The following SEMA6D variants were observed in gnomAD, a reference collection of about 807,000 sequenced individuals.
The protein encoded by SEMA6D is semaphorin 6D.
A neutral mutation model predicts 106.6 loss-of-function variants in SEMA6D; 35 were observed. The observed-to-expected ratio is 0.33, with a 90% CI of 0.25 to 0.44. The LOEUF (loss-of-function observed/expected upper bound fraction) is 0.44, where lower values mean the gene tolerates loss of function less well. SEMA6D is among the 20% of genes least tolerant of loss of function. The pLI, the probability that SEMA6D is intolerant of heterozygous loss-of-function variation, is 1.00. For synonymous variants in SEMA6D, 499 were observed against 487.7 expected (o/e 1.02, Z -0.31); for missense variants, 1,185 against 1,345.9 (o/e 0.88, Z 1.87).
chr15:47,526,090 G>A (rs1286557577), intron 3 of SEMA6D, among the ~76,000 whole-genome samples: 6 of 152,134 alleles, frequency 3.9e-5, no homozygotes, highest in African/African-American at 1.4e-4. Context: ...CTTCACCAAG[G>A]TAAGCCTTTG....
At chr15:47,674,453 C>T (rs869731) in intron 4 of SEMA6D, among the ~76,000 whole-genome samples, 47,187 of 152,078 alleles carry the variant, frequency 0.31, 8,695 homozygotes, top group East Asian at 0.49. Context: ...TGATCCATGT[C>T]GAAAACATTG....
intron 3 of SEMA6D, among the ~76,000 whole-genome samples, chr15:47,508,331 G>T (rs940271869): frequency 4.6e-5 from 7 of 152,194 alleles, no homozygotes; most frequent in African/African-American, 1.7e-4. Context: ...CTTCCAGGGG[G>T]TTTTGGATCC....
At chr15:47,364,248 T>G (rs1462356384) in intron 1 of SEMA6D, among the ~76,000 whole-genome samples, 1 of 152,198 alleles carries the variant, frequency 6.6e-6, no homozygotes, top group Non-Finnish European at 1.5e-5. Flanking sequence ...GGTAGGAGGT[T>G]GTGGAACTAT....
chr15:47,289,359 A>T (rs901399776), intron 1 of SEMA6D, among the ~76,000 whole-genome samples: 1 of 137,526 alleles, frequency 7.3e-6, no homozygotes, highest in African/African-American at 2.8e-5. Context: ...GTGCCACTGC[A>T]CTCCAGCCTG....
At chr15:47,418,487 G>C (rs2041050275) in intron 2 of SEMA6D, among the ~76,000 whole-genome samples, 1 of 152,036 alleles carries the variant, frequency 6.6e-6, no homozygotes, top group South Asian at 2.1e-4. Flanking sequence ...CGAGCCTTCT[G>C]TTTGTCCTTA....
rs758693639 is a variant in SEMA6D at position 47,540,346 on chromosome 15, C to T, written c.-86-60519C>T. 8.6e-5 allele frequency among the ~76,000 whole-genome samples: 13 copies of T among 151,806 alleles called. No individual in the cohort carries two copies. The South Asian group carries it at 1.0e-3, about 12-fold the overall frequency. Reference sequence around the variant, plus strand: ...TTTATTTCCAGGTTTCTATGGTGGGCGACCTCTGAATGTGAGATAGCATTT... The same window carrying T: ...TTTATTTCCAGGTTTCTATGGTGGGTGACCTCTGAATGTGAGATAGCATTT... On this transcript the variant is annotated intron_variant, in intron 3 of 19. Transcript: ENST00000558014.
chr15:47,632,217 C>T (rs1454322558), intron 4 of SEMA6D, among the ~76,000 whole-genome samples: 9 of 151,746 alleles, frequency 5.9e-5, no homozygotes, highest in Non-Finnish European at 1.0e-4. Context: ...TATTTTATGG[C>T]GCAAGTTATG....
intron 1 of SEMA6D, among the ~76,000 whole-genome samples, chr15:47,391,477 T>C (rs950117290): frequency 2.0e-5 from 3 of 152,068 alleles, no homozygotes; most frequent in Non-Finnish European, 4.4e-5. Flanking sequence ...TAAAAGACAA[T>C]GTCAAGCAGA....
intron 2 of SEMA6D, among the ~76,000 whole-genome samples, chr15:47,425,695 G>T (rs2041311208): frequency 6.9e-6 from 1 of 145,884 alleles, no homozygotes. Context: ...TTTTGAGACA[G>T]AGTTTCACTC....
intron 3 of SEMA6D, among the ~76,000 whole-genome samples, chr15:47,569,464 G>A (rs956899889): frequency 3.3e-5 from 5 of 152,118 alleles, no homozygotes; most frequent in Admixed American, 3.3e-4. Context: ...TCATTCCGTG[G>A]ATCCTGAACT....
intron 1 of SEMA6D, among the ~76,000 whole-genome samples, chr15:47,216,271 T>C (rs1300733643): frequency 6.6e-6 from 1 of 152,210 alleles, no homozygotes; most frequent in Non-Finnish European, 1.5e-5. Context: ...TACTAATTAT[T>C]TGTTTGACAG....
At chr15:47,763,776 T>A in intron 9 of SEMA6D, 74 bp from the exon 10 acceptor site, 1 of 1,330,058 alleles carries the variant, frequency 7.5e-7, no homozygotes, top group African/African-American at 1.5e-5. Context: ...TGTCCCTCCC[T>A]TAAACAGTAT....
intron 3 of SEMA6D, among the ~76,000 whole-genome samples, chr15:47,587,317 T>C (rs1473568680): frequency 6.6e-6 from 1 of 152,186 alleles, no homozygotes; most frequent in African/African-American, 2.4e-5. Flanking sequence ...CCTTGTCTTG[T>C]GTGCCCTGGC....
chr15:47,459,706 C>T (rs889958899), intron 2 of SEMA6D, among the ~76,000 whole-genome samples: 1 of 152,074 alleles, frequency 6.6e-6, no homozygotes, highest in Non-Finnish European at 1.5e-5. Flanking sequence ...AATAGGTTTT[C>T]TCCCCTCTTT....
At position 47,316,649 on chromosome 15, in the gene SEMA6D, A is replaced by ATT. The variant is rs34691730; in HGVS notation, c.-238-95736_-238-95735dup. On this transcript the variant is annotated intron_variant, in intron 1 of 19. Transcript: ENST00000558014. ...CATAAATGGTTATTGGATGTTGCCA[A>ATT]TTTTTTTTTCTCTATCTGCTGATAT... 3.4e-5 allele frequency among the ~76,000 whole-genome samples: 5 copies of ATT among 145,620 alleles called. No homozygotes were observed. The East Asian group carries it at 6.1e-4, about 18-fold the overall frequency.
At chr15:47,599,742 C>T (rs1379712571) in intron 3 of SEMA6D, among the ~76,000 whole-genome samples, 7 of 151,932 alleles carry the variant, frequency 4.6e-5, no homozygotes, top group African/African-American at 1.7e-4. Flanking sequence ...TTTATAAACC[C>T]AGTCCACTAA....
chr15:47,478,654 T>G (rs1357825024), intron 3 of SEMA6D, among the ~76,000 whole-genome samples: 8 of 152,150 alleles, frequency 5.3e-5, no homozygotes, highest in Non-Finnish European at 1.5e-5. Flanking sequence ...GAAATAATGG[T>G]GGCTTAGTCA....
At chr15:47,204,419 G>T (rs150648204) in intron 1 of SEMA6D, among the ~76,000 whole-genome samples, 2 of 152,144 alleles carry the variant, frequency 1.3e-5, no homozygotes, top group African/African-American at 4.8e-5. Context: ...ACTGTTTACA[G>T]TAAAATTGAG....
rs1402847229 is a variant in SEMA6D, at chr15:47,662,917, T to C, written c.-55+62021T>C. ...GAATCATTTGGAATAATAAAAGTTA[T>C]AGAAATGGCAAATCAAGGATGTGTA... On this transcript the variant is annotated intron_variant, in intron 4 of 19. Transcript: ENST00000558014. Among the ~76,000 whole-genome samples, 5 of 151,408 alleles carry C rather than the reference T, an allele frequency of 3.3e-5. No homozygotes were observed. In the East Asian group the frequency reaches 9.7e-4, roughly 29 times the overall value.
Sources: gnomAD v4.1 joint callset for allele counts (sites outside exome capture counted in the v4.1 genomes callset) on GRCh38, gnomAD v4.1.1 for gene constraint, MANE v1.5 for transcripts, NCBI Gene and HGNC (gene_info 2026-07-23, HGNC 2026-07-21) for gene names.